GNL3L: variants seen among roughly 807,000 people sequenced by gnomAD.
GNL3L encodes the protein G protein nucleolar 3 like.
Under a neutral mutation model 42.9 loss-of-function variants are expected in GNL3L, and 4 were observed. The observed-to-expected ratio is 0.09, with a 90% CI of 0.05 to 0.21. GNL3L has a LOEUF of 0.21. Among genes scored for constraint, GNL3L ranks in the 10% least tolerant of loss-of-function variants. The pLI, the probability that GNL3L is intolerant of heterozygous loss-of-function variation, is 1.00. For missense variants in GNL3L, 412 were observed against 481.7 expected, an observed-to-expected ratio of 0.86 and a Z score of 1.36; for synonymous variants, 159 against 176.3, an observed-to-expected ratio of 0.90 and a Z score of 0.78.
rs1925226530 is a variant in GNL3L at position 54,560,443 on chromosome X, A to G, written c.1667-77A>G. On this transcript the variant is annotated intron_variant, in intron 15 of 15. Transcript: ENST00000360845. The stretch of plus-strand genomic sequence containing the variant: ...TCAGGAGCTTGGTGTAGACCAAGGT[A>G]GATGTAGGCCAGCGTCAGCAGGCCT... 4.8e-6 allele frequency: 3 copies of G among 619,776 alleles called. No homozygotes were observed. In the South Asian group the frequency reaches 7.1e-5, roughly 15 times the overall value. 51.1% of individuals were successfully genotyped at this position (619,776 alleles called of 1,213,427 possible).
intron 16 of GNL3L, among the ~76,000 whole-genome samples, chrX:54,590,825 C>A (rs868072389): frequency 9.1e-6 from 1 of 109,466 alleles, no homozygotes; most frequent in Non-Finnish European, 1.9e-5. Flanking sequence ...TTTATTCATT[C>A]ATTCATTCAT....
chrX:54,555,633 A>ATTTTT (rs759334820), intron 14 of GNL3L, among the ~76,000 whole-genome samples: 15 of 66,381 alleles, frequency 2.3e-4, no homozygotes, highest in African/African-American at 4.7e-4. Flanking sequence ...ACCATGCCTA[A>ATTTTT]TTTTTTTTTT....
At position 54,553,109 on chromosome X, in the gene GNL3L, T is replaced by C. The variant is rs759476208; in HGVS notation, c.1318+681T>C. The stretch of plus-strand genomic sequence containing the variant: ...GTAGTTATGAGGATTTTTTTAATAA[T>C]GTAAAAGACATTTAGAACAACAGTG... On this transcript the variant is annotated intron_variant, in intron 13 of 15. Coordinates refer to ENST00000360845, the MANE Select transcript of GNL3L (RefSeq NM_001184819.2). Among the ~76,000 whole-genome samples, 26 of 112,590 alleles carry C rather than the reference T, an allele frequency of 2.3e-4. No homozygotes were observed. The East Asian group carries it at 6.4e-3, about 28-fold the overall frequency.
chrX:54,572,417 A>C (rs1467851895), intron 16 of GNL3L, among the ~76,000 whole-genome samples: 1 of 111,627 alleles, frequency 9.0e-6, no homozygotes, highest in Non-Finnish European at 1.9e-5. Flanking sequence ...TTCTACACAG[A>C]CACAGCAACC....
rs751437988 is a variant in GNL3L, at chrX:54,551,957, C to G, written c.1164C>G (p.Val388=). The stretch of plus-strand genomic sequence containing the variant: ...GTCAGGAACAGGCGGCCAAAGCTGT[C>G]CTAGCTGACTGGGTGAGGTGAGGAG... ...LYSQEQAAKA[V]LADWVSGKIS... is the part of the protein sequence containing the mutation. Residue 388 remains valine, a synonymous_variant, in exon 12 of 16, where the codon GTC becomes GTG. Coordinates refer to ENST00000360845, the MANE Select transcript of GNL3L (RefSeq NM_001184819.2). 1 of 1,211,589 alleles carries G rather than the reference C, an allele frequency of 8.3e-7. No homozygotes were observed. The highest frequency in any genetic ancestry group is 3.0e-5 in the East Asian group (1 of 33,840).
At chrX:54,638,615 C>T in the GNL3L span, among the ~76,000 whole-genome samples, 3 of 111,367 alleles carry the variant, frequency 2.7e-5, no homozygotes, top group African/African-American at 9.8e-5. Flanking sequence ...GGATTACAGG[C>T]GCCTGGCTAA....
chrX:54,575,489 T>C (rs756853545), intron 16 of GNL3L, among the ~76,000 whole-genome samples: 9 of 112,489 alleles, frequency 8.0e-5, no homozygotes, highest in Non-Finnish European at 1.5e-4. Context: ...TCCCAGCACT[T>C]TGGGAGGCGG....
intron 2 of GNL3L, among the ~76,000 whole-genome samples, chrX:54,533,201 A>G (rs989561273): frequency 1.8e-5 from 2 of 109,703 alleles, no homozygotes; most frequent in Non-Finnish European, 3.8e-5. Context: ...ATTTTTCTCT[A>G]TCAGTTGGTA....
chrX:54,553,096 A>AT (rs1352369907), intron 13 of GNL3L, among the ~76,000 whole-genome samples: 3 of 112,412 alleles, frequency 2.7e-5, no homozygotes, highest in East Asian at 2.8e-4. Context: ...AGTTATGAGG[A>AT]TTTTTTTAAT....
chrX:54,555,059 C>T (rs1381685387), intron 14 of GNL3L, among the ~76,000 whole-genome samples: 1 of 110,280 alleles, frequency 9.1e-6, no homozygotes, highest in Non-Finnish European at 1.9e-5. Context: ...GTCACCCAGG[C>T]TGCAGTGCAG....
At chrX:54,637,763 A>G in the GNL3L span, among the ~76,000 whole-genome samples, 18 of 112,157 alleles carry the variant, frequency 1.6e-4, no homozygotes, top group Non-Finnish European at 2.8e-4. Flanking sequence ...AAATTTTTAG[A>G]TATTCTGTGG....
chrX:54,576,762 G>A (rs978744404), intron 16 of GNL3L, among the ~76,000 whole-genome samples: 8 of 111,156 alleles, frequency 7.2e-5, no homozygotes, highest in South Asian at 3.8e-4. Flanking sequence ...CACTGTGCTC[G>A]GCCTTATTTA....
At position 54,563,196 on chromosome X, in the gene GNL3L, C is replaced by T; in HGVS notation, c.*2594C>T. Among the ~76,000 whole-genome samples the T allele has an allele frequency of 9.0e-6, 1 of 111,184 alleles. No individual in the cohort carries two copies. Among genetic ancestry groups the T allele is most frequent in the Non-Finnish European group, 1.9e-5 (1 of 53,100 alleles). On this transcript the variant is annotated 3_prime_UTR_variant, in exon 16 of 16. Coordinates refer to ENST00000360845, the MANE Select transcript of GNL3L (RefSeq NM_001184819.2). Reference sequence around the variant, plus strand: ...TCTATTTTGCAACCATACAGCGTTTCATAATTTAGCATTTAAAATACAGAC... The same window carrying T: ...TCTATTTTGCAACCATACAGCGTTTTATAATTTAGCATTTAAAATACAGAC...
At chrX:54,625,292 T>G (rs868500007), downstream of GNL3L, among the ~76,000 whole-genome samples, 2 of 98,470 alleles carry the variant, frequency 2.0e-5, no homozygotes, top group Non-Finnish European at 3.9e-5. Flanking sequence ...TTGTTTTGTT[T>G]TTTTTTTTTT....
chrX:54,551,655 C>T lies in GNL3L; in HGVS notation c.951C>T (p.Thr317=), dbSNP rs200770111. Residue 317 remains threonine, a synonymous_variant, in exon 11 of 16, where the codon ACC becomes ACT. Coordinates refer to ENST00000360845, the MANE Select transcript of GNL3L (RefSeq NM_001184819.2). ...IVPGPNSEVG[T]ILRNCVHVQK... ...CAGGGCCCAACTCAGAGGTGGGCACCATCCTGCGTAACTGCGTCCACGTGC... is the reference window on the plus strand; with the variant it reads ...CAGGGCCCAACTCAGAGGTGGGCACTATCCTGCGTAACTGCGTCCACGTGC... 8 of 1,210,352 alleles carry T rather than the reference C, an allele frequency of 6.6e-6. No individual in the cohort carries two copies. The highest frequency in any genetic ancestry group is 8.9e-6 in the Non-Finnish European group (8 of 894,108).
At chrX:54,575,423 A>AT (rs77779267) in intron 16 of GNL3L, among the ~76,000 whole-genome samples, 14,693 of 112,101 alleles carry the variant, frequency 0.13, 1,430 homozygotes, top group African/African-American at 0.34. Context: ...ACCTTCTATG[A>AT]TTCAAATCCT....
chrX:54,577,958 G>T (rs1925658628), intron 16 of GNL3L, among the ~76,000 whole-genome samples: 1 of 110,921 alleles, frequency 9.0e-6, no homozygotes, highest in Admixed American at 9.7e-5. Context: ...GCCCAGGCTG[G>T]TCTCAAACTC....
At chrX:54,550,532 C>T (rs777411755) in intron 9 of GNL3L, among the ~76,000 whole-genome samples, 7 of 111,265 alleles carry the variant, frequency 6.3e-5, no homozygotes, top group Non-Finnish European at 1.1e-4. Flanking sequence ...CAGCAAAATA[C>T]ACACCTCAGG....
At chrX:54,579,262 TTCTA>T (rs1388509577) in intron 16 of GNL3L, among the ~76,000 whole-genome samples, 2 of 112,156 alleles carry the variant, frequency 1.8e-5, no homozygotes, top group South Asian at 3.6e-4. Flanking sequence ...GTTTTTGGTG[TTCTA>T]TCTTAGAAAT....
Sources: gnomAD v4.1 joint callset for allele counts (sites outside exome capture counted in the v4.1 genomes callset) on GRCh38, gnomAD v4.1.1 for gene constraint, MANE v1.5 for transcripts, NCBI Gene and HGNC (gene_info 2026-07-23, HGNC 2026-07-21) for gene names.